Variants in RBFOX3 observed in about 807,000 individuals in gnomAD.
RBFOX3 encodes the protein RNA binding protein fox-1 homolog 3.
RBFOX3 carries 17 observed loss-of-function variants against 48.7 expected under a neutral mutation model. The observed-to-expected ratio is 0.35, with a 90% confidence interval of 0.24 to 0.52. The LOEUF is 0.52. Among genes scored for constraint, RBFOX3 ranks in the 20% least tolerant of loss-of-function variants. The pLI is 0.94. For missense variants in RBFOX3, 382 were observed against 497.5 expected (o/e 0.77, Z 2.21); for synonymous variants, 212 against 209.5 (o/e 1.01, Z -0.10).
intron 1 of RBFOX3, among the ~76,000 whole-genome samples, chr17:79,511,490 G>A (rs1406698329): frequency 6.6e-6 from 1 of 152,168 alleles, no homozygotes; most frequent in Non-Finnish European, 1.5e-5. Flanking sequence ...GAGCTGCACA[G>A]CAAAAGCAAA....
At chr17:79,150,869 C>T (rs1027341382) in intron 4 of RBFOX3, among the ~76,000 whole-genome samples, 2 of 152,170 alleles carry the variant, frequency 1.3e-5, no homozygotes, top group Admixed American at 1.3e-4. Context: ...TCCCCGTGTG[C>T]GCAATGGGAG....
intron 3 of RBFOX3, among the ~76,000 whole-genome samples, chr17:79,264,933 C>A (rs144919390): frequency 6.6e-6 from 1 of 151,354 alleles, no homozygotes; most frequent in Non-Finnish European, 1.5e-5. Context: ...ATTACTGCCA[C>A]GAATGCCCTT....
chr17:79,383,111 C>T (rs530871524), intron 2 of RBFOX3, among the ~76,000 whole-genome samples: 38 of 151,822 alleles, frequency 2.5e-4, no homozygotes, highest in Non-Finnish European at 4.7e-4. Flanking sequence ...CACCAGAGCC[C>T]TGGGGTCCAG....
At chr17:79,313,125 A>G (rs1838964206) in intron 2 of RBFOX3, among the ~76,000 whole-genome samples, 1 of 152,210 alleles carries the variant, frequency 6.6e-6, no homozygotes, top group African/African-American at 2.4e-5. Context: ...AAGGTCAGCC[A>G]GCTGCAGACT....
chr17:79,257,092 G>A (rs1382407016), intron 3 of RBFOX3, among the ~76,000 whole-genome samples: 3 of 152,138 alleles, frequency 2.0e-5, no homozygotes, highest in Non-Finnish European at 4.4e-5. Context: ...TATGAGGTTC[G>A]ACTCACATCC....
intron 2 of RBFOX3, among the ~76,000 whole-genome samples, chr17:79,340,013 C>G (rs989113369): frequency 6.6e-6 from 1 of 152,102 alleles, no homozygotes; most frequent in Admixed American, 6.5e-5. Context: ...AACTTCTGAG[C>G]ATGGGCCGGG....
At chr17:79,398,691 C>T (rs932436681) in intron 2 of RBFOX3, among the ~76,000 whole-genome samples, 6 of 152,182 alleles carry the variant, frequency 3.9e-5, no homozygotes, top group South Asian at 2.1e-4. Flanking sequence ...GCTGAGAGAG[C>T]GGAATTACCC....
chr17:79,131,261 G>A (rs780560650), intron 4 of RBFOX3, among the ~76,000 whole-genome samples: 6 of 152,074 alleles, frequency 3.9e-5, no homozygotes, highest in East Asian at 1.9e-4. Flanking sequence ...TGTGTGCTCC[G>A]CTCAGTCTCC....
chr17:79,138,306 TGTG>T (rs2040756337), intron 4 of RBFOX3, among the ~76,000 whole-genome samples: 1 of 150,186 alleles, frequency 6.7e-6, no homozygotes, highest in Non-Finnish European at 1.5e-5. Context: ...ACTCGCACAC[TGTG>T]TGGACTCACC....
At chr17:79,317,289 A>G (rs1007880709) in intron 2 of RBFOX3, among the ~76,000 whole-genome samples, 6 of 152,200 alleles carry the variant, frequency 3.9e-5, no homozygotes, top group African/African-American at 9.7e-5. Context: ...ATCAAATTTT[A>G]GATGTTTCTT....
chr17:79,188,720 A>C (rs1042175619), intron 4 of RBFOX3, among the ~76,000 whole-genome samples: 2 of 152,180 alleles, frequency 1.3e-5, no homozygotes, highest in Non-Finnish European at 2.9e-5. Flanking sequence ...ATGAGCCCCC[A>C]GGACTTCTCC....
At chr17:79,396,609 C>A (rs1003817098) in intron 2 of RBFOX3, among the ~76,000 whole-genome samples, 14 of 152,302 alleles carry the variant, frequency 9.2e-5, no homozygotes, top group Non-Finnish European at 1.5e-4. Flanking sequence ...GGCATCCTCA[C>A]AGGTGCTGGC....
rs1469139835 is a variant in RBFOX3, at chr17:79,252,805, CAG to C, written c.-73-17002_-73-17001del. Among the ~76,000 whole-genome samples the C allele has an allele frequency of 6.6e-6, 1 of 152,310 alleles. No homozygotes were observed. The highest frequency in any genetic ancestry group is 1.9e-4 in the East Asian group (1 of 5,186). Reference sequence around the variant, plus strand: ...CTTCCTTTTTGGGTCTTCATGTCCACAGAGAGTGAGGCGTGGACCCAGGCTTT... The same window carrying C: ...CTTCCTTTTTGGGTCTTCATGTCCACAGAGTGAGGCGTGGACCCAGGCTTT... On this transcript the variant is annotated intron_variant, in intron 3 of 14. Coordinates refer to ENST00000693108, the MANE Select transcript of RBFOX3 (RefSeq NM_001350451.2). This position sits in a 1 kb window ranked among gnomAD's most constrained non-coding sequence, Gnocchi z 4.0.
intron 2 of RBFOX3, among the ~76,000 whole-genome samples, chr17:79,355,259 T>C (rs1470809945): frequency 6.6e-6 from 1 of 152,240 alleles, no homozygotes; most frequent in Non-Finnish European, 1.5e-5. Context: ...GCTTTGGCTC[T>C]GAACAAGCAT....
At chr17:79,194,528 C>T (rs2055155432) in intron 4 of RBFOX3, among the ~76,000 whole-genome samples, 1 of 152,040 alleles carries the variant, frequency 6.6e-6, no homozygotes, top group Non-Finnish European at 1.5e-5. Context: ...ATTGCTTGAA[C>T]CTGGGAGGCG....
intron 3 of RBFOX3, among the ~76,000 whole-genome samples, chr17:79,237,147 G>C (rs1429328618): frequency 6.6e-6 from 1 of 152,192 alleles, no homozygotes; most frequent in Non-Finnish European, 1.5e-5. Context: ...CTGTGCATAT[G>C]TGTATGTGTG....
chr17:79,472,521 G>C lies in RBFOX3; in HGVS notation c.-175+9933C>G, dbSNP rs920009757. Among the ~76,000 whole-genome samples, 244 of 152,302 alleles carry C rather than the reference G, an allele frequency of 1.6e-3. 1 individual carries two copies. The highest frequency in any genetic ancestry group is 5.8e-3 in the African/African-American group (239 of 41,562). On this transcript the variant is annotated intron_variant, in intron 2 of 14. Transcript: ENST00000693108. ...TAGGACACAGACATGCACAGATCAA[G>C]GGGCGGCCATGTGAGGACATAAGGA...
At chr17:79,442,503 G>A (rs1555735744) in intron 2 of RBFOX3, among the ~76,000 whole-genome samples, 3 of 151,870 alleles carry the variant, frequency 2.0e-5, no homozygotes, top group Non-Finnish European at 4.4e-5. Flanking sequence ...GTGGTGAGAG[G>A]CGTATGGTAA....
intron 2 of RBFOX3, among the ~76,000 whole-genome samples, chr17:79,344,915 C>G (rs954049237): frequency 9.2e-5 from 14 of 152,192 alleles, no homozygotes; most frequent in African/African-American, 3.4e-4. Flanking sequence ...CATCAAAACT[C>G]TCTTATCAAG....
Sources: allele counts gnomAD v4.1 joint callset (sites outside exome capture counted in the v4.1 genomes callset), GRCh38; gene constraint gnomAD v4.1.1; non-coding constraint Gnocchi (gnomAD v3.1); transcripts MANE v1.5; gene names NCBI Gene and HGNC (gene_info 2026-07-23, HGNC 2026-07-21).